Variants in CYFIP1 observed in about 807,000 individuals in gnomAD.
The protein encoded by CYFIP1 is cytoplasmic FMR1-interacting protein 1.
A neutral mutation model predicts 163.5 loss-of-function variants in CYFIP1; 58 were observed. The ratio of observed to expected loss-of-function variants is 0.35; its 90% CI spans 0.29 to 0.44. The LOEUF is 0.44. Among genes scored for constraint, CYFIP1 ranks in the 20% least tolerant of loss-of-function variants. The pLI is 1.00. For missense variants in CYFIP1, 1,338 were observed against 1,653.8 expected, an observed-to-expected ratio of 0.81 and a Z score of 3.31; for synonymous variants, 663 against 660.7, an observed-to-expected ratio of 1.00 and a Z score of -0.05.
intron 1 of CYFIP1, among the ~76,000 whole-genome samples, chr15:22,972,679 G>A (rs1471083034): frequency 6.6e-6 from 1 of 152,086 alleles, no homozygotes; most frequent in Non-Finnish European, 1.5e-5. Flanking sequence ...ATCAGACCTT[G>A]GCTTCTCAAC....
intron 1 of CYFIP1, among the ~76,000 whole-genome samples, chr15:22,964,320 C>T (rs1321084504): frequency 1.0e-5 from 1 of 99,334 alleles, no homozygotes; most frequent in Non-Finnish European, 2.1e-5. Flanking sequence ...ACACAACTGG[C>T]GGCCCCACCA....
chr15:22,931,308 GGTGA>G (rs560606899), intron 11 of CYFIP1, among the ~76,000 whole-genome samples: 144 of 152,272 alleles, frequency 9.5e-4, no homozygotes, highest in Admixed American at 1.0e-3. Flanking sequence ...AGTCAACCTG[GGTGA>G]GTGAGGAGAA....
chr15:22,963,536 T>TAACATAACATAA (rs2062774013), intron 1 of CYFIP1, among the ~76,000 whole-genome samples: 2 of 145,310 alleles, frequency 1.4e-5, no homozygotes, highest in Non-Finnish European at 3.1e-5. Context: ...TAACATAACA[T>TAACATAACATAA]AACATAACAT....
Position 22,954,409 on chromosome 15 carries a change from C to T in CYFIP1, c.-6-7118G>A, listed in dbSNP as rs574501735. Among the ~76,000 whole-genome samples, 18 of 152,328 alleles carry T rather than the reference C, an allele frequency of 1.2e-4. No individual in the cohort carries two copies. The South Asian group carries it at 3.7e-3, about 32-fold the overall frequency. ...GGACGCAGATTCCCTGCGCTGTCTG[C>T]CAGGTAAGAACCCACACGAGCTGGT... On this transcript the variant is annotated intron_variant, in intron 1 of 30. Coordinates refer to ENST00000617928, the MANE Select transcript of CYFIP1 (RefSeq NM_014608.6).
Position 22,910,610 on chromosome 15 carries a change from C to G in CYFIP1, c.2178G>C (p.Arg726=), listed in dbSNP as rs768052383. ...CCTGATTCTTGCATTCTGATCGTAA[C>G]CGTTTATCAAGAAGCAAACTAGTGT... is the stretch of plus-strand genomic sequence containing the variant. The part of the protein sequence containing the change: ...VMAGSLLLDK[R]LRSECKNQGA... Residue 726 remains arginine, a synonymous_variant, in exon 20 of 31, where the codon CGG becomes CGC. Transcript: ENST00000617928. The G allele has an allele frequency of 2.7e-5, 43 of 1,614,024 alleles. 2 individuals are homozygous for G. Among genetic ancestry groups the G allele is most frequent in the South Asian group, 1.8e-4 (16 of 91,080 alleles).
chr15:22,937,052 T>G, intron 9 of CYFIP1, 52 bp downstream of exon 9: 4 of 1,312,946 alleles, frequency 3.0e-6, no homozygotes, highest in Non-Finnish European at 4.4e-6. Flanking sequence ...TCCCCAAAAT[T>G]CAAAGTGCAC....
At chr15:22,954,128 T>C (rs985381437) in intron 1 of CYFIP1, among the ~76,000 whole-genome samples, 1 of 152,066 alleles carries the variant, frequency 6.6e-6, no homozygotes. Context: ...TGTGGACAGG[T>C]ACATTGATGT....
At chr15:22,873,366 C>T in intron 29 of CYFIP1, 125 bp downstream of exon 29, 1 of 774,432 alleles carries the variant, frequency 1.3e-6, no homozygotes, top group Non-Finnish European at 2.1e-6. Flanking sequence ...GGCTTAAAAG[C>T]CGCTCAGTGA....
At chr15:22,896,300 A>C (rs1451697371) in intron 22 of CYFIP1, among the ~76,000 whole-genome samples, 2 of 152,122 alleles carry the variant, frequency 1.3e-5, no homozygotes, top group East Asian at 1.9e-4. Context: ...TGCTAGGCCC[A>C]ACAGTGGCTC....
intron 13 of CYFIP1, among the ~76,000 whole-genome samples, chr15:22,921,196 C>A (rs530971638): frequency 6.6e-6 from 1 of 151,552 alleles, no homozygotes; most frequent in African/African-American, 2.4e-5. Flanking sequence ...GGTGAAACCC[C>A]GTCTCTACTA....
At chr15:22,951,348 ACACCTCAGAAAGGAG>A (rs2062242476) in intron 1 of CYFIP1, 1 of 1,189,564 alleles carries the variant, frequency 8.4e-7, no homozygotes, top group Non-Finnish European at 1.1e-6. Flanking sequence ...CCTGTTCCAC[ACACCTCAGAAAGGAG>A]CAGTGCAGGG....
intron 3 of CYFIP1, among the ~76,000 whole-genome samples, chr15:22,945,562 G>A (rs1433237944): frequency 6.6e-6 from 1 of 151,166 alleles, no homozygotes; most frequent in Non-Finnish European, 1.5e-5. Context: ...TATTTAGTGA[G>A]ACGTTCATCA....
At chr15:22,939,557 T>TAA (rs56068008) in intron 6 of CYFIP1, 50 bp from the exon 7 acceptor site, 15,506 of 283,134 alleles carry the variant, frequency 0.055, 636 homozygotes, top group Non-Finnish European at 0.066. Context: ...GTGCCACATT[T>TAA]AAAAAAAAAA....
chr15:22,901,478 G>C (rs749319039), intron 22 of CYFIP1, among the ~76,000 whole-genome samples: 1 of 152,196 alleles, frequency 6.6e-6, no homozygotes, highest in Non-Finnish European at 1.5e-5. Flanking sequence ...GCCGCCTTGG[G>C]CTCCAGGTGC....
intron 25 of CYFIP1, among the ~76,000 whole-genome samples, chr15:22,880,315 G>C (rs866709593): frequency 1.3e-5 from 2 of 152,206 alleles, no homozygotes; most frequent in African/African-American, 4.8e-5. Context: ...ATGATGATAG[G>C]AAACGTCACC....
chr15:22,927,355 G>T (rs900432165), intron 12 of CYFIP1, among the ~76,000 whole-genome samples: 2 of 151,766 alleles, frequency 1.3e-5, no homozygotes, highest in African/African-American at 2.4e-5. Flanking sequence ...GGTGGTGGGC[G>T]CCTGTAATCC....
chr15:22,928,389 TAATAAATAAATAAATAAATA>T (rs200548603), intron 11 of CYFIP1, among the ~76,000 whole-genome samples: 41 of 147,654 alleles, frequency 2.8e-4, no homozygotes, highest in Middle Eastern at 3.5e-3. Flanking sequence ...TCTCAAAAAA[TAATAAATAAATAAATAAATA>T]AATAAATAAA....
intron 22 of CYFIP1, among the ~76,000 whole-genome samples, chr15:22,897,618 G>A (rs1160289163): frequency 6.6e-6 from 1 of 152,052 alleles, no homozygotes; most frequent in Non-Finnish European, 1.5e-5. Context: ...TGAGTAGCTG[G>A]GACTACAGTC....
chr15:22,972,204 G>C (rs2063123382), intron 1 of CYFIP1, among the ~76,000 whole-genome samples: 1 of 152,158 alleles, frequency 6.6e-6, no homozygotes, highest in Middle Eastern at 3.2e-3. Flanking sequence ...GGGAGGCTGA[G>C]GTGGGCGGAT....
Sources: gnomAD v4.1 joint callset for allele counts (sites outside exome capture counted in the v4.1 genomes callset) on GRCh38, gnomAD v4.1.1 for gene constraint, MANE v1.5 for transcripts, NCBI Gene and HGNC (gene_info 2026-07-23, HGNC 2026-07-21) for gene names.